Variants in AGTPBP1 observed in about 807,000 individuals in gnomAD.
The protein encoded by AGTPBP1 is ATP/GTP binding carboxypeptidase 1.
In AGTPBP1, 70 loss-of-function variants were observed where a neutral mutation model predicts 143.9. The observed-to-expected ratio is 0.49, with a 90% CI of 0.40 to 0.59. The LOEUF is 0.59. Among genes scored for constraint, AGTPBP1 ranks in the 20% least tolerant of loss-of-function variants. The pLI is 0.00. For synonymous variants in AGTPBP1, 463 were observed against 500.2 expected (o/e 0.93, Z 0.99); for missense variants, 1,229 against 1,464.5 (o/e 0.84, Z 2.62).
chr9:85,562,317 T>A (rs1826793491), intron 25 of AGTPBP1, among the ~76,000 whole-genome samples: 1 of 151,032 alleles, frequency 6.6e-6, no homozygotes, highest in African/African-American at 2.4e-5. Flanking sequence ...ATAATTACAA[T>A]AAATGTAGGT....
intron 1 of AGTPBP1, among the ~76,000 whole-genome samples, chr9:85,730,993 A>G (rs1324754803): frequency 6.6e-6 from 1 of 152,226 alleles, no homozygotes; most frequent in African/African-American, 2.4e-5. Flanking sequence ...AAGGGAAAGT[A>G]GTTCTTTCTC....
At chr9:85,702,046 T>C (rs188497929) in intron 2 of AGTPBP1, among the ~76,000 whole-genome samples, 21 of 152,312 alleles carry the variant, frequency 1.4e-4, no homozygotes, top group East Asian at 1.9e-4. Flanking sequence ...ATCTTTAAGG[T>C]CCAAAACTTT....
intron 11 of AGTPBP1, among the ~76,000 whole-genome samples, chr9:85,651,292 C>G (rs774918379): frequency 1.3e-5 from 2 of 152,082 alleles, no homozygotes; most frequent in Non-Finnish European, 2.9e-5. Context: ...TCAATGGACT[C>G]CTGTTTAAGG....
Position 85,592,654 on chromosome 9 carries a change from G to A in AGTPBP1, c.2474C>T (p.Ser825Phe). 6.2e-7 allele frequency: 1 copy of A among 1,611,658 alleles called. No homozygotes were observed. Among genetic ancestry groups the A allele is most frequent in the East Asian group, 2.2e-5 (1 of 44,704 alleles). The change falls in exon 19 of 26, where the codon TCC becomes TTC. Residue 825 changes from serine to phenylalanine, a missense_variant. This residue lies in a region of AGTPBP1 where 486 missense variants were observed against 652.3 expected (regional missense o/e 0.75). Coordinates refer to ENST00000357081, the MANE Select transcript of AGTPBP1 (RefSeq NM_001330701.2). ...SVAAGGQKGK[S>F]YYTITFTVNF... ...GACAGTAAATGTAATTGTATAGTAGGATTTTCCCTTTTGCCCACCTGCAGC... is the reference window on the plus strand; with the variant it reads ...GACAGTAAATGTAATTGTATAGTAGAATTTTCCCTTTTGCCCACCTGCAGC...
the AGTPBP1 span, among the ~76,000 whole-genome samples, chr9:85,779,458 T>C: frequency 6.6e-6 from 1 of 152,058 alleles, no homozygotes; most frequent in Non-Finnish European, 1.5e-5. Flanking sequence ...GGGAGAAAGA[T>C]GTAGGCTGGG....
At chr9:85,649,022 C>T (rs1377340693) in intron 11 of AGTPBP1, among the ~76,000 whole-genome samples, 1 of 152,102 alleles carries the variant, frequency 6.6e-6, no homozygotes, top group Non-Finnish European at 1.5e-5. Flanking sequence ...GCGTCTGAGA[C>T]CTTCTCTGCT....
intron 17 of AGTPBP1, among the ~76,000 whole-genome samples, chr9:85,612,680 T>C (rs1830384796): frequency 6.6e-6 from 1 of 152,094 alleles, no homozygotes; most frequent in African/African-American, 2.4e-5. Context: ...GCATCTGTAG[T>C]GAGGGGCAGT....
At chr9:85,597,574 T>C (rs1441926960) in intron 17 of AGTPBP1, among the ~76,000 whole-genome samples, 1 of 152,150 alleles carries the variant, frequency 6.6e-6, no homozygotes, top group Non-Finnish European at 1.5e-5. Context: ...ATAATTTCTG[T>C]ATGTGAGACA....
chr9:85,789,874 T>A, the AGTPBP1 span, among the ~76,000 whole-genome samples: 1 of 151,986 alleles, frequency 6.6e-6, no homozygotes. Flanking sequence ...TTAGTGGGAG[T>A]TCGGTTCTGT....
the AGTPBP1 span, among the ~76,000 whole-genome samples, chr9:85,776,651 A>T: frequency 6.6e-6 from 1 of 152,174 alleles, no homozygotes; most frequent in Non-Finnish European, 1.5e-5. Flanking sequence ...CCAATACTGT[A>T]ACTCCCTTCT....
At chr9:85,769,511 C>A in the AGTPBP1 span, among the ~76,000 whole-genome samples, 3 of 144,692 alleles carry the variant, frequency 2.1e-5, no homozygotes, top group Non-Finnish European at 3.0e-5. Flanking sequence ...CATAGCGAGA[C>A]CCTGTGTCCA....
chr9:85,686,235 C>G (rs1397242971), intron 3 of AGTPBP1, among the ~76,000 whole-genome samples: 1 of 151,618 alleles, frequency 6.6e-6, no homozygotes, highest in East Asian at 1.9e-4. Flanking sequence ...TTCAATGACA[C>G]AAAAAGGCTG....
At chr9:85,657,035 TGG>T in intron 10 of AGTPBP1, among the ~76,000 whole-genome samples, 1 of 127,528 alleles carries the variant, frequency 7.8e-6, no homozygotes, top group Non-Finnish European at 1.6e-5. Flanking sequence ...TGTTGTGGGG[TGG>T]GGGGAGAGGG....
chr9:85,669,010 T>TACAC, intron 8 of AGTPBP1, among the ~76,000 whole-genome samples: 1 of 58,656 alleles, frequency 1.7e-5, no homozygotes, highest in Admixed American at 1.9e-4. Context: ...TGTGTGTGTA[T>TACAC]ACATACACAC....
chr9:85,744,927 G>C (rs573683798), upstream of AGTPBP1, among the ~76,000 whole-genome samples: 5 of 152,134 alleles, frequency 3.3e-5, no homozygotes, highest in Admixed American at 3.3e-4. Flanking sequence ...AATTTCTATT[G>C]GTCACTCTTT....
At chr9:85,742,074 A>G, upstream of AGTPBP1, 1 of 1,111,958 alleles carries the variant, frequency 9.0e-7, no homozygotes, top group Non-Finnish European at 1.1e-6. Context: ...GGCGGGGCGG[A>G]GCGCACGCCC....
intron 7 of AGTPBP1, among the ~76,000 whole-genome samples, chr9:85,670,251 G>C (rs1834400724): frequency 6.6e-6 from 1 of 152,102 alleles, no homozygotes; most frequent in African/African-American, 2.4e-5. Context: ...CAAATAGGAA[G>C]ATGAGGTAGA....
rs754157434 is a variant in AGTPBP1 at position 85,589,692 on chromosome 9, AT to A, written c.2569-12del. 44 of 1,600,276 alleles carry A rather than the reference AT, an allele frequency of 2.7e-5. No homozygotes were observed. Among genetic ancestry groups the A allele is most frequent in the Non-Finnish European group, 3.7e-5 (44 of 1,174,706 alleles). On this transcript the variant is annotated splice_polypyrimidine_tract_variant and intron_variant, in intron 19 of 25. Coordinates refer to ENST00000357081, the MANE Select transcript of AGTPBP1 (RefSeq NM_001330701.2). ...TTTTTGAAGATGCATCTTGATAAAA[AT>A]TTTAAAACAAAATATACAATCACTT...
intron 3 of AGTPBP1, among the ~76,000 whole-genome samples, chr9:85,689,925 A>AAAAAAAAAAAAT (rs58719163): frequency 1.2e-4 from 9 of 72,510 alleles, no homozygotes; most frequent in Non-Finnish European, 1.9e-4. Flanking sequence ...AAAAAAAAAA[A>AAAAAAAAAAAAT]ATATATATAT....
Sources: gnomAD v4.1 joint callset for allele counts (sites outside exome capture counted in the v4.1 genomes callset) on GRCh38, gnomAD v4.1.1 for gene constraint, gnomAD v4.1.1 regional missense constraint, MANE v1.5 for transcripts, NCBI Gene and HGNC (gene_info 2026-07-23, HGNC 2026-07-21) for gene names.